Variants in LRP1B observed in about 807,000 individuals in gnomAD.
LRP1B encodes the protein LDL receptor related protein 1B.
Under a neutral mutation model 556.6 loss-of-function variants are expected in LRP1B, and 217 were observed. The observed-to-expected ratio is 0.39, with a 90% CI of 0.35 to 0.44. The LOEUF (loss-of-function observed/expected upper bound fraction) is 0.44. Among genes scored for constraint, LRP1B ranks in the 20% least tolerant of loss-of-function variants. LRP1B has a pLI of 1.00. For synonymous variants in LRP1B, 2,047 were observed against 1,865.8 expected, an observed-to-expected ratio of 1.10 and a Z score of -2.50; for missense variants, 5,053 against 5,620.8, an observed-to-expected ratio of 0.90 and a Z score of 3.23.
intron 75 of LRP1B, among the ~76,000 whole-genome samples, chr2:140,355,656 T>C (rs1027271243): frequency 1.3e-5 from 2 of 151,902 alleles, no homozygotes; most frequent in African/African-American, 4.8e-5. Flanking sequence ...ACTTAGTTAT[T>C]TTAGGTTTGG....
chr2:140,950,508 G>C, intron 19 of LRP1B, 106 bp from the exon 20 acceptor site: 2 of 964,262 alleles, frequency 2.1e-6, no homozygotes, highest in Non-Finnish European at 3.0e-6. Context: ...TTTTGAGACA[G>C]AGTCTTGCTC....
At chr2:141,601,758 CTCAACCTCTAACTT>C (rs777341427) in intron 2 of LRP1B, among the ~76,000 whole-genome samples, 8 of 151,896 alleles carry the variant, frequency 5.3e-5, no homozygotes, top group Non-Finnish European at 7.4e-5. Flanking sequence ...ATTCTTGTGC[CTCAACCTCTAACTT>C]TTGTATTTTT....
At chr2:141,194,019 A>T in intron 6 of LRP1B, among the ~76,000 whole-genome samples, 1 of 152,150 alleles carries the variant, frequency 6.6e-6, no homozygotes, top group Non-Finnish European at 1.5e-5. Context: ...GATTTCCATC[A>T]GGTAGAAAAG....
chr2:141,178,984 A>G (rs1680870738), intron 7 of LRP1B, among the ~76,000 whole-genome samples: 1 of 152,116 alleles, frequency 6.6e-6, no homozygotes, highest in South Asian at 2.1e-4. Flanking sequence ...TCATTAGCCT[A>G]CTAAATACCG....
intron 85 of LRP1B, among the ~76,000 whole-genome samples, chr2:140,273,998 G>C (rs1352077909): frequency 6.6e-6 from 1 of 151,970 alleles, no homozygotes; most frequent in Non-Finnish European, 1.5e-5. Context: ...TCATTAGACA[G>C]GTCTTTTGCT....
chr2:142,028,866 A>G (rs999125224), intron 1 of LRP1B, among the ~76,000 whole-genome samples: 1 of 151,930 alleles, frequency 6.6e-6, no homozygotes, highest in African/African-American at 2.4e-5. Flanking sequence ...TAAAAAGTGT[A>G]GTGGTATTTC....
Position 140,640,383 on chromosome 2 carries a change from C to CTTTTTTTTTTTTTT in LRP1B, c.6800-38758_6800-38745dup, listed in dbSNP as rs70988414. ...ATCCACTATTCCCTTGTCCTGTTTT[C>CTTTTTTTTTTTTTT]TTTTTTTTTTTTTTTTTTTTTTTTT... On this transcript the variant is annotated intron_variant, in intron 41 of 90. Transcript: ENST00000389484. Among the ~76,000 whole-genome samples, 7 of 48,498 alleles carry CTTTTTTTTTTTTTT rather than the reference C, an allele frequency of 1.4e-4. 2 individuals are homozygous for CTTTTTTTTTTTTTT. The highest frequency in any genetic ancestry group is 1.8e-4 in the Non-Finnish European group (5 of 28,324). The allele number at this position is 48,498 out of a possible 152,430, so 31.8% of individuals were successfully genotyped here. A position where few individuals can be genotyped will look rare whatever the true frequency, so the allele number is the denominator to read the frequency against.
chr2:141,532,741 T>A (rs1186377886), intron 2 of LRP1B, among the ~76,000 whole-genome samples: 1 of 152,130 alleles, frequency 6.6e-6, no homozygotes, highest in Non-Finnish European at 1.5e-5. Context: ...ATCCCAGCAC[T>A]TTGGGAGGTC....
chr2:141,488,739 T>A (rs761778660), intron 2 of LRP1B, among the ~76,000 whole-genome samples: 38 of 152,058 alleles, frequency 2.5e-4, no homozygotes, highest in Middle Eastern at 3.2e-3. Context: ...ATTACAAGCA[T>A]GAGCCCCCAT....
intron 27 of LRP1B, among the ~76,000 whole-genome samples, chr2:140,858,371 G>A (rs1692681084): frequency 6.6e-6 from 1 of 151,630 alleles, no homozygotes. Context: ...TGCTAGATAC[G>A]AGTTAACAGT....
At chr2:141,188,806 C>T (rs1183795178) in intron 6 of LRP1B, among the ~76,000 whole-genome samples, 4 of 151,832 alleles carry the variant, frequency 2.6e-5, no homozygotes, top group Admixed American at 2.0e-4. Context: ...AGACTGAAGA[C>T]GACCTAGATA....
At chr2:140,958,843 T>C (rs2105311984) in intron 18 of LRP1B, among the ~76,000 whole-genome samples, 1 of 151,278 alleles carries the variant, frequency 6.6e-6, no homozygotes, top group East Asian at 1.9e-4. Flanking sequence ...AAATAAAAAG[T>C]GAGAACATTT....
chr2:140,969,524 T>C lies in LRP1B; in HGVS notation c.2887+12636A>G, dbSNP rs563299536. On this transcript the variant is annotated intron_variant, in intron 18 of 90. Coordinates refer to ENST00000389484, the MANE Select transcript of LRP1B (RefSeq NM_018557.3). Reference sequence around the variant, plus strand: ...AATTGGAGCATTTAGCCCATTTACATTTAAGGTTAATATTGTTATGTGTGA... The same window carrying C: ...AATTGGAGCATTTAGCCCATTTACACTTAAGGTTAATATTGTTATGTGTGA... Among the ~76,000 whole-genome samples the C allele has an allele frequency of 1.6e-3, 248 of 152,302 alleles. 1 individual carries two copies. The highest frequency in any genetic ancestry group is 2.0e-3 in the Non-Finnish European group (135 of 68,026).
At chr2:141,383,374 G>A (rs1689711640) in intron 3 of LRP1B, among the ~76,000 whole-genome samples, 2 of 151,848 alleles carry the variant, frequency 1.3e-5, no homozygotes, top group African/African-American at 4.8e-5. Context: ...TATATCCAAA[G>A]GAAAAAAATA....
chr2:141,640,382 C>T (rs1689286746), intron 2 of LRP1B, among the ~76,000 whole-genome samples: 1 of 152,128 alleles, frequency 6.6e-6, no homozygotes, highest in Non-Finnish European at 1.5e-5. Flanking sequence ...TTTAGGATGC[C>T]CAAATCTAAT....
intron 2 of LRP1B, among the ~76,000 whole-genome samples, chr2:141,500,258 CT>C (rs1271599858): frequency 6.6e-6 from 1 of 152,112 alleles, no homozygotes; most frequent in Non-Finnish European, 1.5e-5. Flanking sequence ...AATCCCTTTG[CT>C]TTGTCTTGTC....
At chr2:140,771,139 T>C (rs1689297246) in intron 33 of LRP1B, 133 bp from the exon 34 acceptor site, 2 of 585,554 alleles carry the variant, frequency 3.4e-6, no homozygotes, top group Non-Finnish European at 5.7e-6. Flanking sequence ...TGGTTAAAGA[T>C]TACGCTTTAT....
intron 80 of LRP1B, among the ~76,000 whole-genome samples, chr2:140,324,519 G>C (rs1680349380): frequency 6.6e-6 from 1 of 152,002 alleles, no homozygotes; most frequent in Non-Finnish European, 1.5e-5. Context: ...TTTTTAATGA[G>C]TAAATCCAAA....
In LRP1B at chr2:141,096,673, A is replaced by AGG. The variant is rs1250219655; in HGVS notation, c.1014-34401_1014-34400insCC. On this transcript the variant is annotated intron_variant, in intron 7 of 90. Coordinates refer to ENST00000389484, the MANE Select transcript of LRP1B (RefSeq NM_018557.3). ...GAGAGAGAGAGAGAGAGAGAGAGAGAGAGAGAGAGAGAGAGAGAAAATAAA... is the reference window on the plus strand; with the variant it reads ...GAGAGAGAGAGAGAGAGAGAGAGAGAGGGAGAGAGAGAGAGAGAGAAAATAAA... Among the ~76,000 whole-genome samples, 677 of 130,486 alleles carry AGG rather than the reference A, an allele frequency of 5.2e-3. 96 individuals carry two copies. Among genetic ancestry groups the AGG allele is most frequent in the East Asian group, 0.035 (94 of 2,712 alleles). The allele number at this position is 130,486 out of a possible 152,430, so 85.6% of individuals were successfully genotyped here.
Sources: allele counts gnomAD v4.1 joint callset (sites outside exome capture counted in the v4.1 genomes callset), GRCh38; gene constraint gnomAD v4.1.1; transcripts MANE v1.5; gene names NCBI Gene and HGNC (gene_info 2026-07-23, HGNC 2026-07-21).